THRB: variants seen among roughly 807,000 people sequenced by gnomAD.
The protein encoded by THRB is nuclear receptor subfamily 1 group A member 2.
A neutral mutation model predicts 47.8 loss-of-function variants in THRB; 12 were observed. That is an observed-to-expected ratio of 0.25 (90% CI 0.16 to 0.41). The LOEUF is 0.41. Among genes scored for constraint, THRB ranks in the 10% least tolerant of loss-of-function variants. The pLI is 1.00. For missense variants in THRB, 348 were observed against 589.2 expected (o/e 0.59, Z 4.24); for synonymous variants, 218 against 212.2 (o/e 1.03, Z -0.24).
chr3:24,263,224 C>G (rs751696434), intron 3 of THRB, among the ~76,000 whole-genome samples: 26 of 152,080 alleles, frequency 1.7e-4, no homozygotes, highest in South Asian at 4.2e-4. Flanking sequence ...CTTCTCTCTC[C>G]TTTCCTGTTC....
At chr3:24,281,344 A>G (rs928375071) in intron 3 of THRB, among the ~76,000 whole-genome samples, 5 of 151,334 alleles carry the variant, frequency 3.3e-5, no homozygotes, top group Admixed American at 2.0e-4. Context: ...ACTAAGCTTC[A>G]TAAGTGAAGG....
intron 2 of THRB, among the ~76,000 whole-genome samples, chr3:24,317,267 G>C (rs994649518): frequency 7.9e-5 from 12 of 152,082 alleles, no homozygotes; most frequent in African/African-American, 2.7e-4. Context: ...TCCAACTCTA[G>C]GGTGCTTGTG....
chr3:24,279,946 T>C (rs1336507447), intron 3 of THRB, among the ~76,000 whole-genome samples: 1 of 152,220 alleles, frequency 6.6e-6, no homozygotes, highest in Admixed American at 6.5e-5. Context: ...ACGTATTTTA[T>C]CTTACACATT....
chr3:24,165,025 AC>A (rs1355068833), intron 5 of THRB: 1 of 742,228 alleles, frequency 1.3e-6, no homozygotes, highest in Middle Eastern at 2.3e-4. Flanking sequence ...AATGGTCCCT[AC>A]CTTTTTTTTG....
chr3:24,495,342 A>G (rs1698871858), upstream of THRB: 1 of 152,362 alleles, frequency 6.6e-6, no homozygotes, highest in African/African-American at 2.4e-5. Context: ...CGGGCTGCCC[A>G]GCCGGTACAG....
intron 1 of THRB, among the ~76,000 whole-genome samples, chr3:24,367,824 CA>C (rs1410563090): frequency 7.9e-5 from 12 of 152,094 alleles, no homozygotes; most frequent in East Asian, 5.8e-4. Flanking sequence ...AACTAAAACA[CA>C]AAGAGTAAGT....
intron 1 of THRB, among the ~76,000 whole-genome samples, chr3:24,454,613 C>A (rs373384328): frequency 6.6e-6 from 1 of 152,174 alleles, no homozygotes; most frequent in African/African-American, 2.4e-5. Context: ...TGTGGCTTAA[C>A]TAAGAGTATC....
At position 24,281,698 on chromosome 3, in the gene THRB, T is replaced by G. The variant is rs1317187961; in HGVS notation, c.-43+15528A>C. 1.2e-4 allele frequency among the ~76,000 whole-genome samples: 13 copies of G among 104,262 alleles called. 1 individual carries two copies. The highest frequency in any genetic ancestry group is 9.6e-4 in the Admixed American group (11 of 11,490). The allele number at this position is 104,262 out of a possible 152,430, so 68.4% of individuals were successfully genotyped here. ...CTGTATTCAGGAAACCCATCTCACG[T>G]GCAGAGACACACATAGGCTCAAAAT... On this transcript the variant is annotated intron_variant, in intron 3 of 10. Transcript: ENST00000646209.
chr3:24,345,397 G>C (rs1390372137), intron 1 of THRB, among the ~76,000 whole-genome samples: 3 of 152,064 alleles, frequency 2.0e-5, no homozygotes, highest in Non-Finnish European at 4.4e-5. Flanking sequence ...TGTCAGTCAA[G>C]GTTATATACA....
rs576767514 is a variant in THRB, at chr3:24,301,768, G to T, written c.-188-4397C>A. On this transcript the variant is annotated intron_variant, in intron 2 of 10. Coordinates refer to ENST00000646209, the MANE Select transcript of THRB (RefSeq NM_001354712.2). ...ACATGGCAAAAGGGACTTTGCAGAT[G>T]TGATTAAGGGTACAGATTTTGAGAT... 1.8e-4 allele frequency among the ~76,000 whole-genome samples: 28 copies of T among 152,308 alleles called. No homozygotes were observed. In the South Asian group the frequency reaches 3.7e-3, roughly 20 times the overall value.
At chr3:24,266,595 T>C (rs1423294633) in intron 3 of THRB, among the ~76,000 whole-genome samples, 2 of 152,254 alleles carry the variant, frequency 1.3e-5, no homozygotes, top group East Asian at 3.9e-4. Context: ...CAGGATCCAC[T>C]GCAGCTGATG....
At chr3:24,430,578 G>A (rs2070284321) in intron 1 of THRB, among the ~76,000 whole-genome samples, 1 of 152,000 alleles carries the variant, frequency 6.6e-6, no homozygotes, top group Non-Finnish European at 1.5e-5. Flanking sequence ...TGAGTTATAT[G>A]TGTATATATT....
intron 3 of THRB, among the ~76,000 whole-genome samples, chr3:24,292,816 C>T (rs553826468): frequency 9.9e-5 from 15 of 152,280 alleles, no homozygotes; most frequent in African/African-American, 1.4e-4. Context: ...CCAGATCCCT[C>T]GGCTCCTGGG....
At chr3:24,485,484 T>C (rs567006928) in intron 1 of THRB, among the ~76,000 whole-genome samples, 10 of 152,342 alleles carry the variant, frequency 6.6e-5, no homozygotes, top group African/African-American at 2.4e-4. Flanking sequence ...AGTCTCTAAC[T>C]GGGCTCATCA....
intron 1 of THRB, among the ~76,000 whole-genome samples, chr3:24,377,400 G>T (rs1910851): frequency 1 from 152,182 of 152,182 alleles, 76,091 homozygotes; most frequent in Non-Finnish European, 1. Flanking sequence ...CTTTGGCATA[G>T]GTCTATAAAA....
chr3:24,195,606 G>A (rs1312944757), intron 4 of THRB, among the ~76,000 whole-genome samples: 1 of 152,184 alleles, frequency 6.6e-6, no homozygotes, highest in African/African-American at 2.4e-5. Flanking sequence ...AAAATAATCT[G>A]ATGACTTCCC....
chr3:24,153,233 G>A (rs545313220), intron 5 of THRB, among the ~76,000 whole-genome samples: 5 of 152,190 alleles, frequency 3.3e-5, no homozygotes, highest in South Asian at 2.1e-4. Context: ...GGGAGATGAC[G>A]AAGTCCTTGT....
chr3:24,324,268 C>T (rs560347135), intron 2 of THRB, among the ~76,000 whole-genome samples: 4 of 149,920 alleles, frequency 2.7e-5, no homozygotes, highest in Admixed American at 6.7e-5. Flanking sequence ...GTGCTTTGTC[C>T]AGTTTGCTCA....
intron 3 of THRB, among the ~76,000 whole-genome samples, chr3:24,269,432 C>T (rs1368074702): frequency 2.3e-5 from 3 of 132,352 alleles, no homozygotes; most frequent in South Asian, 2.6e-4. Flanking sequence ...CACACACACA[C>T]ACACACACAC....
Sources: allele counts gnomAD v4.1 joint callset (sites outside exome capture counted in the v4.1 genomes callset), GRCh38; gene constraint gnomAD v4.1.1; transcripts MANE v1.5; gene names NCBI Gene and HGNC (gene_info 2026-07-23, HGNC 2026-07-21).